UGT2A2: variants seen among roughly 807,000 people sequenced by gnomAD.
UGT2A2 encodes UDP glucuronosyltransferase family 2 member A2.
In UGT2A2, 60 loss-of-function variants were observed where a neutral mutation model predicts 50.7. The ratio of observed to expected loss-of-function variants is 1.18; its 90% CI spans 0.96 to 1.47. UGT2A2 has a LOEUF of 1.47. UGT2A2 is among the 40% of genes most tolerant of loss of function. UGT2A2 has a pLI of 0.00. For missense variants in UGT2A2, 762 were observed against 634.0 expected (o/e 1.20, Z -2.17); for synonymous variants, 242 against 214.6 (o/e 1.13, Z -1.11).
intron 1 of UGT2A2, among the ~76,000 whole-genome samples, chr4:69,601,749 G>GGTGCTA (rs1428620240): frequency 3.4e-5 from 3 of 87,120 alleles, no homozygotes; most frequent in Non-Finnish European, 4.6e-5. Flanking sequence ...GGTATCCACT[G>GGTGCTA]ATGGGAGACT....
intron 1 of UGT2A2, among the ~76,000 whole-genome samples, chr4:69,604,131 A>T (rs56173865): frequency 0.18 from 24,332 of 134,838 alleles, 5,752 homozygotes; most frequent in Non-Finnish European, 0.22. Flanking sequence ...TCACCAAAGT[A>T]GAAATGAAGG....
chr4:69,610,406 T>C (rs1719964125), intron 1 of UGT2A2, among the ~76,000 whole-genome samples: 1 of 152,172 alleles, frequency 6.6e-6, no homozygotes, highest in South Asian at 2.1e-4. Context: ...TTGTAACTGT[T>C]AGGGCATTTT....
chr4:69,632,724 T>C (rs1159712151), intron 1 of UGT2A2, among the ~76,000 whole-genome samples: 1 of 151,686 alleles, frequency 6.6e-6, no homozygotes, highest in Admixed American at 6.6e-5. Flanking sequence ...CCTGTCTCTA[T>C]TAAAAATACA....
rs140664005 is a variant in UGT2A2 at position 69,595,651 on chromosome 4, A to G, written c.1024-402T>C. Among the ~76,000 whole-genome samples the G allele has an allele frequency of 2.8e-3, 434 of 152,286 alleles. 2 individuals carry two copies. The highest frequency in any genetic ancestry group is 9.9e-3 in the African/African-American group (410 of 41,560). ...GAATAGAAGTATAAAAAGAATAGAA[A>G]TGCAAAATTGTAGAGATAAAAATTA... On this transcript the variant is annotated intron_variant, in intron 3 of 5. Coordinates refer to ENST00000604629, the MANE Select transcript of UGT2A2 (RefSeq NM_001105677.2).
At chr4:69,593,166 G>T (rs895682067) in intron 5 of UGT2A2, among the ~76,000 whole-genome samples, 1 of 151,982 alleles carries the variant, frequency 6.6e-6, no homozygotes, top group Non-Finnish European at 1.5e-5. Context: ...TTATCTCAGA[G>T]AATTCAATAT....
chr4:69,627,047 G>A (rs926012867), intron 1 of UGT2A2, among the ~76,000 whole-genome samples: 1 of 151,800 alleles, frequency 6.6e-6, no homozygotes, highest in African/African-American at 2.4e-5. Flanking sequence ...AACTCAAGAT[G>A]TATATTATAG....
At chr4:69,630,906 C>T (rs1046012534) in intron 1 of UGT2A2, among the ~76,000 whole-genome samples, 3 of 151,510 alleles carry the variant, frequency 2.0e-5, no homozygotes, top group Admixed American at 2.0e-4. Context: ...GTAAGAATTA[C>T]ACTGTGGTGT....
In UGT2A2 at chr4:69,594,507, C is replaced by T. The variant is rs763710867; in HGVS notation, c.1301G>A (p.Ser434Asn). 1.2e-6 allele frequency: 2 copies of T among 1,614,012 alleles called. No individual in the cohort carries two copies. The highest frequency in any genetic ancestry group is 2.7e-5 in the African/African-American group (2 of 74,932). ...TTCATTAATGACTGTTCTCAAAGCG[C>T]TAAGCAAATCCACACTTGTCATTGT... is the stretch of plus-strand genomic sequence containing the variant. ...LNTMTSVDLL[S>N]ALRTVINEPS... The change falls in exon 5 of 6, where the codon AGC becomes AAC. Residue 434 changes from serine to asparagine, a missense_variant. Transcript: ENST00000604629.
intron 1 of UGT2A2, among the ~76,000 whole-genome samples, chr4:69,633,286 T>A (rs1721488969): frequency 6.6e-6 from 1 of 152,044 alleles, no homozygotes; most frequent in Admixed American, 6.6e-5. Context: ...AACAGAATGG[T>A]TACAATGAAA....
intron 1 of UGT2A2, 108 bp from the exon 2 acceptor site, chr4:69,599,502 T>G: frequency 6.7e-7 from 1 of 1,487,026 alleles, no homozygotes; most frequent in Non-Finnish European, 9.0e-7. Flanking sequence ...AAAAACTGAA[T>G]TAGGTCTTCT....
chr4:69,597,273 C>T (rs933649855), intron 2 of UGT2A2, among the ~76,000 whole-genome samples: 1 of 152,124 alleles, frequency 6.6e-6, no homozygotes, highest in Non-Finnish European at 1.5e-5. Context: ...CACAATGATG[C>T]GTATGAGACA....
intron 1 of UGT2A2, among the ~76,000 whole-genome samples, chr4:69,610,782 C>A (rs1487465053): frequency 6.6e-6 from 1 of 152,138 alleles, no homozygotes; most frequent in Non-Finnish European, 1.5e-5. Context: ...ACAGACCTGG[C>A]AAACCCTGAT....
chr4:69,639,637 C>T lies in UGT2A2; in HGVS notation c.4G>A (p.Val2Ile), dbSNP rs115793531. ...GGCATGGTAAAATCCCTTATGGAAACCATCCTACTGTAGATCCTTCAAGAT... is the reference window on the plus strand; with the variant it reads ...GGCATGGTAAAATCCCTTATGGAAATCATCCTACTGTAGATCCTTCAAGAT... MVSIRDFTMPKK... is the reference protein window; with the variant it reads MISIRDFTMPKK... Residue 2 changes from valine (V) to isoleucine (I), a missense_variant, in exon 1 of 6, where the codon GTT becomes ATT. Coordinates refer to ENST00000604629, the MANE Select transcript of UGT2A2 (RefSeq NM_001105677.2). 1.5e-3 allele frequency: 2,435 copies of T among 1,573,144 alleles called. 47 individuals carry two copies. The African/African-American group carries it at 0.03, about 20-fold the overall frequency.
intron 1 of UGT2A2, among the ~76,000 whole-genome samples, chr4:69,617,002 G>A (rs1720444878): frequency 6.6e-6 from 1 of 151,802 alleles, no homozygotes; most frequent in Non-Finnish European, 1.5e-5. Context: ...GTAGGTGAAT[G>A]AGAAATATGT....
chr4:69,606,554 T>G (rs1490150705), intron 1 of UGT2A2, among the ~76,000 whole-genome samples: 1 of 136,202 alleles, frequency 7.3e-6, no homozygotes, highest in Non-Finnish European at 1.6e-5. Flanking sequence ...TTCAACATAG[T>G]GTTGGAAGTT....
chr4:69,596,234 T>C lies in UGT2A2; in HGVS notation c.1023+16A>G, dbSNP rs1029396575. On this transcript the variant is annotated intron_variant, in intron 3 of 5. Coordinates refer to ENST00000604629, the MANE Select transcript of UGT2A2 (RefSeq NM_001105677.2). Reference sequence around the variant, plus strand: ...TTAGTAAAAAGCTGTGTACCAGGATTCCAGGCTGTACTGACCTTCTGTGGA... The same window carrying C: ...TTAGTAAAAAGCTGTGTACCAGGATCCCAGGCTGTACTGACCTTCTGTGGA... The C allele has an allele frequency of 8.6e-6, 13 of 1,503,216 alleles. No homozygotes were observed. The highest frequency in any genetic ancestry group is 1.2e-5 in the Non-Finnish European group (13 of 1,123,130). The allele number at this position is 1,503,216 out of a possible 1,614,324, so 93.1% of individuals were successfully genotyped here.
intron 1 of UGT2A2, among the ~76,000 whole-genome samples, chr4:69,629,023 C>G (rs1386978123): frequency 1.3e-5 from 2 of 151,798 alleles, no homozygotes; most frequent in East Asian, 3.9e-4. Flanking sequence ...CATGGTTATA[C>G]TCTTCTCCTG....
intron 1 of UGT2A2, among the ~76,000 whole-genome samples, chr4:69,615,882 A>G (rs2109926392): frequency 6.6e-6 from 1 of 152,140 alleles, no homozygotes; most frequent in Non-Finnish European, 1.5e-5. Context: ...TAAAACTACC[A>G]TATGATCCGA....
intron 1 of UGT2A2, among the ~76,000 whole-genome samples, chr4:69,620,969 AC>A (rs1404423170): frequency 2.6e-5 from 4 of 152,108 alleles, no homozygotes; most frequent in African/African-American, 7.2e-5. Context: ...CCAAAACTGG[AC>A]CCCTTTCTTA....
Sources: allele counts gnomAD v4.1 joint callset (sites outside exome capture counted in the v4.1 genomes callset), GRCh38; gene constraint gnomAD v4.1.1; transcripts MANE v1.5; gene names NCBI Gene and HGNC (gene_info 2026-07-23, HGNC 2026-07-21).